Variants in LDB2 observed in about 807,000 individuals in gnomAD.
LDB2 encodes LIM domain binding 2.
LDB2 carries 12 observed loss-of-function variants against 44.3 expected under a neutral mutation model. The ratio of observed to expected loss-of-function variants is 0.27; its 90% CI spans 0.17 to 0.44. The LOEUF (loss-of-function observed/expected upper bound fraction) is 0.44. Among genes scored for constraint, LDB2 ranks in the 20% least tolerant of loss-of-function variants. The pLI, the probability that LDB2 is intolerant of heterozygous loss-of-function variation, is 1.00. For missense variants in LDB2, 344 were observed against 473.5 expected, an observed-to-expected ratio of 0.73 and a Z score of 2.54; for synonymous variants, 164 against 174.8, an observed-to-expected ratio of 0.94 and a Z score of 0.49.
At chr4:16,505,327 A>G (rs1251710076) in intron 7 of LDB2, among the ~76,000 whole-genome samples, 1 of 151,766 alleles carries the variant, frequency 6.6e-6, no homozygotes, top group African/African-American at 2.4e-5. Context: ...CTAGCTAGAT[A>G]CTTAGTTGTG....
At chr4:16,830,270 C>A (rs373415592) in intron 1 of LDB2, among the ~76,000 whole-genome samples, 1 of 152,120 alleles carries the variant, frequency 6.6e-6, no homozygotes, top group African/African-American at 2.4e-5. Context: ...GTTTCCCCCA[C>A]GCTGTTCTCA....
At chr4:16,570,462 CAAAAAAAAAAAA>C (rs71181175) in intron 5 of LDB2, among the ~76,000 whole-genome samples, 213 of 16,516 alleles carry the variant, frequency 0.013, 2 homozygotes, top group African/African-American at 0.022. Flanking sequence ...GACTCTGTCT[CAAAAAAAAAAAA>C]AAAAAAAAAA....
At chr4:16,700,032 G>A (rs1334404571) in intron 2 of LDB2, among the ~76,000 whole-genome samples, 1 of 151,780 alleles carries the variant, frequency 6.6e-6, no homozygotes, top group Non-Finnish European at 1.5e-5. Flanking sequence ...ATTTTTTTTC[G>A]GATTTTGGAA....
At chr4:16,662,400 C>A (rs1741834898) in intron 2 of LDB2, among the ~76,000 whole-genome samples, 1 of 152,130 alleles carries the variant, frequency 6.6e-6, no homozygotes, top group Non-Finnish European at 1.5e-5. Context: ...TCCCTGTTCT[C>A]CCATTCCTAA....
At chr4:16,859,804 C>T (rs1414924006) in intron 1 of LDB2, among the ~76,000 whole-genome samples, 1 of 152,176 alleles carries the variant, frequency 6.6e-6, no homozygotes, top group African/African-American at 2.4e-5. Context: ...ATGTGCCAGA[C>T]ACATTTCGTA....
chr4:16,542,305 A>G (rs760305348), intron 5 of LDB2, among the ~76,000 whole-genome samples: 5 of 152,224 alleles, frequency 3.3e-5, no homozygotes, highest in Non-Finnish European at 5.9e-5. Context: ...AAAAGTAAAG[A>G]AATAAACAAG....
chr4:16,557,318 G>C (rs1282480580), intron 5 of LDB2, among the ~76,000 whole-genome samples: 4 of 152,206 alleles, frequency 2.6e-5, no homozygotes, highest in African/African-American at 9.7e-5. Flanking sequence ...CAAAGTAAGG[G>C]GTGACAGATG....
At chr4:16,595,680 A>T in intron 3 of LDB2, 23 bp downstream of exon 3, 1 of 1,602,974 alleles carries the variant, frequency 6.2e-7, no homozygotes. Flanking sequence ...AAAGCCGGGC[A>T]TGTGACAGAG....
chr4:16,784,183 C>T (rs1210379758), intron 1 of LDB2, among the ~76,000 whole-genome samples: 1 of 152,006 alleles, frequency 6.6e-6, no homozygotes, highest in African/African-American at 2.4e-5. Context: ...AAAAGTGATC[C>T]ACATAGGAAA....
At chr4:16,516,125 A>G (rs1016312188) in intron 5 of LDB2, among the ~76,000 whole-genome samples, 1 of 151,788 alleles carries the variant, frequency 6.6e-6, no homozygotes, top group Non-Finnish European at 1.5e-5. Flanking sequence ...TCGACCTCCC[A>G]AAGTGCTGGG....
At chr4:16,652,612 C>T (rs1738608019) in intron 2 of LDB2, among the ~76,000 whole-genome samples, 1 of 152,206 alleles carries the variant, frequency 6.6e-6, no homozygotes, top group South Asian at 2.1e-4. Context: ...CTGCCATCAT[C>T]CCAGCTAGAC....
At chr4:16,762,409 A>G (rs144549982) in intron 1 of LDB2, among the ~76,000 whole-genome samples, 1 of 152,200 alleles carries the variant, frequency 6.6e-6, no homozygotes, top group South Asian at 2.1e-4. Flanking sequence ...TCACACTGCT[A>G]TGAAGATATA....
intron 1 of LDB2, among the ~76,000 whole-genome samples, chr4:16,783,941 GT>G (rs745687206): frequency 1.3e-5 from 2 of 152,134 alleles, no homozygotes; most frequent in Admixed American, 6.5e-5. Flanking sequence ...TGTAGGAATT[GT>G]AATTCCCTTT....
chr4:16,640,696 G>T (rs1249044663), intron 2 of LDB2, among the ~76,000 whole-genome samples: 1 of 152,184 alleles, frequency 6.6e-6, no homozygotes, highest in African/African-American at 2.4e-5. Flanking sequence ...TACTTACAAA[G>T]AGGTGAAGTG....
At chr4:16,636,790 G>T (rs954639641) in intron 2 of LDB2, among the ~76,000 whole-genome samples, 1 of 152,070 alleles carries the variant, frequency 6.6e-6, no homozygotes, top group Non-Finnish European at 1.5e-5. Context: ...AAAACAAAAA[G>T]AACAAAAAGC....
At chr4:16,795,063 A>G (rs1246928822) in intron 1 of LDB2, among the ~76,000 whole-genome samples, 1 of 152,232 alleles carries the variant, frequency 6.6e-6, no homozygotes, top group Non-Finnish European at 1.5e-5. Context: ...CGGGGAAGAC[A>G]TGCTTGAAAA....
intron 1 of LDB2, among the ~76,000 whole-genome samples, chr4:16,885,154 T>TA (rs57704740): frequency 0.24 from 22,873 of 94,500 alleles, 2,825 homozygotes; most frequent in Non-Finnish European, 0.31. Context: ...ATACCACTTC[T>TA]AAAAAAAAAA....
At chr4:16,712,078 T>C (rs1756007556) in intron 2 of LDB2, among the ~76,000 whole-genome samples, 2 of 152,148 alleles carry the variant, frequency 1.3e-5, no homozygotes, top group Admixed American at 6.6e-5. Flanking sequence ...CTCATCAAAA[T>C]TTTAAAAAAT....
intron 2 of LDB2, among the ~76,000 whole-genome samples, chr4:16,704,770 A>C (rs1754239408): frequency 6.6e-6 from 1 of 152,232 alleles, no homozygotes; most frequent in African/African-American, 2.4e-5. Flanking sequence ...CATAGATTCA[A>C]AACTCATAGA....
Sources: gnomAD v4.1 joint callset for allele counts (sites outside exome capture counted in the v4.1 genomes callset) on GRCh38, gnomAD v4.1.1 for gene constraint, MANE v1.5 for transcripts, NCBI Gene and HGNC (gene_info 2026-07-23, HGNC 2026-07-21) for gene names.